The following PCDHGA8 variants were observed in gnomAD, a reference collection of about 807,000 sequenced individuals.
PCDHGA8 encodes the protein protocadherin gamma-A8.
A neutral mutation model predicts 59.2 loss-of-function variants in PCDHGA8; 45 were observed. The ratio of observed to expected loss-of-function variants is 0.76; its 90% CI spans 0.60 to 0.98. The LOEUF (loss-of-function observed/expected upper bound fraction) is 0.98, where lower values mean the gene tolerates loss of function less well. Among genes scored for constraint, PCDHGA8 ranks in the 50% least tolerant of loss-of-function variants. PCDHGA8 has a pLI of 0.00. For synonymous variants in PCDHGA8, 531 were observed against 519.0 expected (o/e 1.02, Z -0.32); for missense variants, 1,257 against 1,196.2 (o/e 1.05, Z -0.75).
At chr5:141,452,370 G>A (rs2098739834) in intron 1 of PCDHGA8, among the ~76,000 whole-genome samples, 1 of 152,136 alleles carries the variant, frequency 6.6e-6, no homozygotes, top group Non-Finnish European at 1.5e-5. Flanking sequence ...CTTCATTTTA[G>A]TAGGGAATAG....
At chr5:141,502,815 TTTCC>T in intron 2 of PCDHGA8, among the ~76,000 whole-genome samples, 1 of 151,372 alleles carries the variant, frequency 6.6e-6, no homozygotes, top group East Asian at 1.9e-4. Context: ...TTCACTGTCT[TTTCC>T]TTGGGGAAGC....
rs1248983040 is a variant in PCDHGA8, at chr5:141,476,937, G to T, written c.2425-17870G>T. 3.1e-6 allele frequency: 5 copies of T among 1,614,186 alleles called. No homozygotes were observed. Among genetic ancestry groups the T allele is most frequent in the Non-Finnish European group, 4.2e-6 (5 of 1,180,050 alleles). The stretch of plus-strand genomic sequence containing the variant: ...GTCCTTGCAACGGATCTGGATGAAG[G>T]CCCCAACGGTGAAATTATTTACTCC... On this transcript the variant is annotated intron_variant, in intron 1 of 3. Coordinates refer to ENST00000398604, the MANE Select transcript of PCDHGA8 (RefSeq NM_032088.2). This position sits in a 1 kb window ranked among gnomAD's most constrained non-coding sequence, Gnocchi z 7.6.
Position 141,487,246 on chromosome 5 carries a change from C to T in PCDHGA8, c.2425-7561C>T. 1 of 1,614,166 alleles carries T rather than the reference C, an allele frequency of 6.2e-7. No individual in the cohort carries two copies. The highest frequency in any genetic ancestry group is 8.5e-7 in the Non-Finnish European group (1 of 1,180,014). ...GGGAAGGAGAATCTCGTCTAACCCTCTACTTGGCTGTGTCCCTAGTGGCAA... is the reference window on the plus strand; with the variant it reads ...GGGAAGGAGAATCTCGTCTAACCCTTTACTTGGCTGTGTCCCTAGTGGCAA... On this transcript the variant is annotated intron_variant, in intron 1 of 3. Coordinates refer to ENST00000398604, the MANE Select transcript of PCDHGA8 (RefSeq NM_032088.2). This position sits in a 1 kb window ranked among gnomAD's most constrained non-coding sequence, Gnocchi z 5.0.
intron 1 of PCDHGA8, among the ~76,000 whole-genome samples, chr5:141,446,167 G>A (rs1357034077): frequency 6.6e-6 from 1 of 152,188 alleles, no homozygotes; most frequent in African/African-American, 2.4e-5. Flanking sequence ...ATTTCATGAG[G>A]GCAGGGGGTG....
chr5:141,409,591 G>A (rs72790040), intron 1 of PCDHGA8: 42,493 of 1,613,766 alleles, frequency 0.026, 744 homozygotes, highest in East Asian at 0.041. Context: ...ACGTGGCCGA[G>A]AACAACCCGC....
chr5:141,459,595 T>C (rs904266180), intron 1 of PCDHGA8, among the ~76,000 whole-genome samples: 10 of 152,232 alleles, frequency 6.6e-5, no homozygotes, highest in African/African-American at 9.6e-5. Context: ...TCATATGAAA[T>C]GGGAAGTATA....
intron 2 of PCDHGA8, among the ~76,000 whole-genome samples, chr5:141,500,894 C>CAG (rs10656935): frequency 0.58 from 88,074 of 150,994 alleles, 27,125 homozygotes; most frequent in African/African-American, 0.78. Flanking sequence ...TTTTTTGAGA[C>CAG]AGTCTCGCTC....
rs1386737349 is a variant in PCDHGA8 at position 141,486,423 on chromosome 5, C to T, written c.2425-8384C>T. The T allele has an allele frequency of 6.2e-7, 1 of 1,614,042 alleles. No individual in the cohort carries two copies. The highest frequency in any genetic ancestry group is 8.5e-7 in the Non-Finnish European group (1 of 1,180,030). ...ACTGCTGGACCCTTGGATCGAGAGG[C>T]CAAATCTAGCTATGACATCATGGTC... is the stretch of plus-strand genomic sequence containing the variant. On this transcript the variant is annotated intron_variant, in intron 1 of 3. Transcript: ENST00000398604. The surrounding 1 kb of genome is among the most constrained non-coding windows in gnomAD (Gnocchi z 5.0).
chr5:141,420,067 A>G (rs2096463342), intron 1 of PCDHGA8: 2 of 1,614,034 alleles, frequency 1.2e-6, no homozygotes, highest in East Asian at 2.2e-5. Flanking sequence ...CCAAGTCCGG[A>G]CCTGTGGGTC....
intron 1 of PCDHGA8, chr5:141,420,067 A>C (rs2096463342): frequency 6.2e-7 from 1 of 1,614,034 alleles, no homozygotes; most frequent in Non-Finnish European, 8.5e-7. Flanking sequence ...CCAAGTCCGG[A>C]CCTGTGGGTC....
chr5:141,452,848 G>A (rs1425590240), intron 1 of PCDHGA8, among the ~76,000 whole-genome samples: 9 of 152,128 alleles, frequency 5.9e-5, no homozygotes, highest in Non-Finnish European at 1.0e-4. Flanking sequence ...CCCACACTCT[G>A]GGGAGATGAT....
intron 1 of PCDHGA8, among the ~76,000 whole-genome samples, chr5:141,443,656 A>G (rs139300845): frequency 1.3e-5 from 2 of 152,374 alleles, no homozygotes; most frequent in East Asian, 3.8e-4. Flanking sequence ...TTAGCATAGC[A>G]TTTTACTGAA....
intron 1 of PCDHGA8, chr5:141,403,819 T>A (rs1264553327): frequency 1.2e-6 from 2 of 1,613,784 alleles, no homozygotes; most frequent in Admixed American, 3.3e-5. Flanking sequence ...AAAAACAATC[T>A]CTGCTATTCC....
At chr5:141,398,667 A>G (rs750777887) in intron 1 of PCDHGA8, 1 of 1,614,006 alleles carries the variant, frequency 6.2e-7, no homozygotes, top group Admixed American at 1.7e-5. Flanking sequence ...GTTTCTCATT[A>G]ATAATTAAGG....
chr5:141,419,121 C>T, intron 1 of PCDHGA8: 5 of 1,613,882 alleles, frequency 3.1e-6, no homozygotes, highest in Non-Finnish European at 3.4e-6. Flanking sequence ...TACAACGTCA[C>T]CATCGCAGCC....
At position 141,432,908 on chromosome 5, in the gene PCDHGA8, C is replaced by A. The variant is rs757934634; in HGVS notation, c.2424+37671C>A. On this transcript the variant is annotated intron_variant, in intron 1 of 3. Coordinates refer to ENST00000398604, the MANE Select transcript of PCDHGA8 (RefSeq NM_032088.2). This position sits in a 1 kb window ranked among gnomAD's most constrained non-coding sequence, Gnocchi z 6.0. ...CATCTTGCTGCTGGCGCTCAGGCTGCGGCGCTGGCACAAGTCACGCCTGCT... is the reference window on the plus strand; with the variant it reads ...CATCTTGCTGCTGGCGCTCAGGCTGAGGCGCTGGCACAAGTCACGCCTGCT... The A allele has an allele frequency of 1.6e-5, 26 of 1,614,168 alleles. No individual in the cohort carries two copies. Among genetic ancestry groups the A allele is most frequent in the Middle Eastern group, 1.7e-4 (1 of 6,060 alleles).
chr5:141,407,982 G>A (rs976187867), intron 1 of PCDHGA8: 3 of 782,892 alleles, frequency 3.8e-6, no homozygotes, highest in Non-Finnish European at 5.7e-6. Context: ...CCGGGGATCC[G>A]TCAGCCTCTG....
At chr5:141,421,878 T>C (rs1364225081) in intron 1 of PCDHGA8, 1 of 1,613,612 alleles carries the variant, frequency 6.2e-7, no homozygotes, top group African/African-American at 1.3e-5. Context: ...CAGCTTTAGA[T>C]GGAGGCGATC....
At chr5:141,492,509 C>T (rs1276866000) in intron 1 of PCDHGA8, among the ~76,000 whole-genome samples, 1 of 152,216 alleles carries the variant, frequency 6.6e-6, no homozygotes, top group African/African-American at 2.4e-5. Context: ...CCGGAGCCTC[C>T]TCTCACCTCT....
Sources: gnomAD v4.1 joint callset for allele counts (sites outside exome capture counted in the v4.1 genomes callset) on GRCh38, gnomAD v4.1.1 for gene constraint, Gnocchi (gnomAD v3.1) non-coding constraint, MANE v1.5 for transcripts, NCBI Gene and HGNC (gene_info 2026-07-23, HGNC 2026-07-21) for gene names.